PCDH15: variants seen among roughly 807,000 people sequenced by gnomAD.
PCDH15 encodes protocadherin related 15, also known as protocadherin-15.
Under a neutral mutation model 178.5 loss-of-function variants are expected in PCDH15, and 129 were observed. The ratio of observed to expected loss-of-function variants is 0.72; its 90% CI spans 0.63 to 0.84. The LOEUF is 0.84. Among genes scored for constraint, PCDH15 ranks in the 40% least tolerant of loss-of-function variants. PCDH15 has a pLI of 0.00. For synonymous variants in PCDH15, 800 were observed against 732.0 expected (o/e 1.09, Z -1.50); for missense variants, 2,230 against 2,099.9 (o/e 1.06, Z -1.21).
chr10:54,673,267 T>C (rs1338700681), intron 1 of PCDH15, among the ~76,000 whole-genome samples: 2 of 151,588 alleles, frequency 1.3e-5, no homozygotes, highest in African/African-American at 2.4e-5. Context: ...TGTTCCCCTC[T>C]CTGTGTCCAT....
intron 3 of PCDH15, among the ~76,000 whole-genome samples, chr10:54,507,443 A>C (rs2137620711): frequency 6.6e-6 from 1 of 151,988 alleles, no homozygotes; most frequent in South Asian, 2.1e-4. Flanking sequence ...GCTTTATAAA[A>C]GGATGCATTC....
At chr10:55,258,440 T>C (rs1842061370) in intron 1 of PCDH15, among the ~76,000 whole-genome samples, 1 of 152,156 alleles carries the variant, frequency 6.6e-6, no homozygotes. Flanking sequence ...GTCCTTCAAG[T>C]TGCCTGCTTA....
At chr10:55,047,827 A>G (rs1328544101) in intron 2 of PCDH15, among the ~76,000 whole-genome samples, 1 of 151,946 alleles carries the variant, frequency 6.6e-6, no homozygotes, top group South Asian at 2.1e-4. Context: ...AGGCTTCATC[A>G]TAATTTCAGT....
chr10:55,348,649 A>G (rs1358057801), intron 2 of PCDH15, among the ~76,000 whole-genome samples: 2 of 152,194 alleles, frequency 1.3e-5, no homozygotes, highest in African/African-American at 4.8e-5. Flanking sequence ...ATCTTGGTAG[A>G]GACTTAAATG....
intron 8 of PCDH15, among the ~76,000 whole-genome samples, chr10:54,301,877 T>C (rs1032400824): frequency 6.6e-6 from 1 of 152,218 alleles, no homozygotes; most frequent in African/African-American, 2.4e-5. Flanking sequence ...ATATTTTTTC[T>C]GGGAATTTCT....
intron 1 of PCDH15, among the ~76,000 whole-genome samples, chr10:55,299,258 T>A (rs1398995484): frequency 1.3e-5 from 2 of 152,106 alleles, no homozygotes; most frequent in Admixed American, 1.3e-4. Context: ...ATGTAACCCA[T>A]CAATTCTCAT....
intron 1 of PCDH15, among the ~76,000 whole-genome samples, chr10:55,311,436 T>A (rs900640182): frequency 6.6e-6 from 1 of 152,182 alleles, no homozygotes; most frequent in Non-Finnish European, 1.5e-5. Flanking sequence ...AGTGATTACA[T>A]CTTAGTTATT....
At chr10:55,513,028 A>G (rs1350852185) in intron 2 of PCDH15, 1 of 152,128 alleles carries the variant, frequency 6.6e-6, no homozygotes, top group East Asian at 1.9e-4. Context: ...TTGACACTTA[A>G]TAACTTTGGT....
At chr10:55,054,024 T>C (rs1841230439) in intron 2 of PCDH15, among the ~76,000 whole-genome samples, 1 of 152,194 alleles carries the variant, frequency 6.6e-6, no homozygotes, top group African/African-American at 2.4e-5. Flanking sequence ...TGCAGGTTTG[T>C]TATATAGGTA....
At chr10:55,052,049 C>T (rs1265321577) in intron 2 of PCDH15, among the ~76,000 whole-genome samples, 2 of 149,376 alleles carry the variant, frequency 1.3e-5, no homozygotes, top group African/African-American at 4.9e-5. Flanking sequence ...CACAAAGTCA[C>T]AGTAAAAATA....
intron 2 of PCDH15, among the ~76,000 whole-genome samples, chr10:54,580,407 G>A (rs61496817): frequency 0.021 from 3,143 of 151,914 alleles, 101 homozygotes; most frequent in African/African-American, 0.072. Flanking sequence ...TCCCCAAATT[G>A]AATCACAAAG....
At position 53,883,452 on chromosome 10, in the gene PCDH15, T is replaced by C. The variant is rs1387869159; in HGVS notation, c.3502-16595A>G. On this transcript the variant is annotated intron_variant, in intron 26 of 37. Coordinates refer to ENST00000644397, the MANE Select transcript of PCDH15 (RefSeq NM_001384140.1). ...TTTTTCTCTTTTCTTATTCGTTAAA[T>C]CTTTGTTTTTACAAATCCCTGTGCT... Among the ~76,000 whole-genome samples the C allele has an allele frequency of 2.6e-5, 4 of 152,278 alleles. No homozygotes were observed. In the East Asian group the frequency reaches 7.8e-4, roughly 30 times the overall value.
intron 2 of PCDH15, among the ~76,000 whole-genome samples, chr10:54,938,401 G>A (rs905472835): frequency 7.3e-5 from 11 of 151,202 alleles, no homozygotes; most frequent in East Asian, 3.9e-4. Flanking sequence ...TTACTTACTC[G>A]TAATATTTCG....
At chr10:54,887,065 C>G (rs1458488036) in intron 3 of PCDH15, among the ~76,000 whole-genome samples, 92 of 152,150 alleles carry the variant, frequency 6.0e-4, no homozygotes, top group Non-Finnish European at 2.9e-5. Flanking sequence ...AAGGATGGGA[C>G]AGAGCTCAAC....
intron 8 of PCDH15, among the ~76,000 whole-genome samples, chr10:54,303,209 A>G (rs1232424180): frequency 6.6e-6 from 1 of 152,128 alleles, no homozygotes; most frequent in Non-Finnish European, 1.5e-5. Flanking sequence ...AGAATTGCTG[A>G]TAAGGTCAAA....
chr10:54,993,861 A>G (rs1839572940), intron 2 of PCDH15, among the ~76,000 whole-genome samples: 3 of 152,188 alleles, frequency 2.0e-5, no homozygotes, highest in African/African-American at 7.2e-5. Context: ...AAGATCAACC[A>G]TCCCTCATCC....
At chr10:54,166,119 G>T (rs1012548600) in intron 13 of PCDH15, among the ~76,000 whole-genome samples, 1 of 152,180 alleles carries the variant, frequency 6.6e-6, no homozygotes, top group African/African-American at 2.4e-5. Context: ...AATGCCTCAT[G>T]AAATTACTAT....
chr10:55,354,434 C>A (rs1008641014), intron 2 of PCDH15, among the ~76,000 whole-genome samples: 1 of 152,000 alleles, frequency 6.6e-6, no homozygotes, highest in African/African-American at 2.4e-5. Flanking sequence ...TAATAAATAA[C>A]AATACAACAG....
At chr10:54,709,144 A>T (rs775377910) in intron 1 of PCDH15, among the ~76,000 whole-genome samples, 1 of 152,266 alleles carries the variant, frequency 6.6e-6, no homozygotes, top group Non-Finnish European at 1.5e-5. Context: ...ACAATTCATT[A>T]CTATATGGAA....
Sources: allele counts gnomAD v4.1 joint callset (sites outside exome capture counted in the v4.1 genomes callset), GRCh38; gene constraint gnomAD v4.1.1; transcripts MANE v1.5; gene names NCBI Gene and HGNC (gene_info 2026-07-23, HGNC 2026-07-21).